CUX2: variants seen among roughly 807,000 people sequenced by gnomAD.
The protein encoded by CUX2 is cut like homeobox 2, also known as homeobox protein cut-like 2.
Under a neutral mutation model 144.8 loss-of-function variants are expected in CUX2, and 40 were observed. That is an observed-to-expected ratio of 0.28 (90% CI 0.21 to 0.36). The LOEUF (loss-of-function observed/expected upper bound fraction) is 0.36, where lower values mean the gene tolerates loss of function less well. Ranked by LOEUF, CUX2 falls within the 10% of genes least tolerant of loss-of-function variation. The pLI, the probability that CUX2 is intolerant of heterozygous loss-of-function variation, is 1.00. For missense variants in CUX2, 1,615 were observed against 1,994.0 expected (o/e 0.81, Z 3.62); for synonymous variants, 827 against 875.6 (o/e 0.94, Z 0.98).
rs537299431 is a variant in CUX2 at position 111,086,020 on chromosome 12, T to C, written c.63+51780T>C. ...AGCTGATGGAGAAGCTAGAGGCTCC[T>C]ACCTTGTGCCAGGCCTGATCCAGGA... is the stretch of plus-strand genomic sequence containing the variant. On this transcript the variant is annotated intron_variant, in intron 1 of 21. Transcript: ENST00000261726. Among the ~76,000 whole-genome samples the C allele has an allele frequency of 2.9e-3, 437 of 152,370 alleles. 1 individual carries two copies. The highest frequency in any genetic ancestry group is 5.4e-3 in the Non-Finnish European group (365 of 68,030).
At position 111,291,400 on chromosome 12, in the gene CUX2, C is replaced by T; in HGVS notation, c.302-18C>T. ...TCCATCAGGCCCTCACTATCCCTGT[C>T]TTTCTCTCCCTGCACAGACCCCGTG... is the stretch of plus-strand genomic sequence containing the variant. On this transcript the variant is annotated intron_variant, in intron 4 of 21. Transcript: ENST00000261726. The T allele has an allele frequency of 1.9e-6, 3 of 1,586,290 alleles. No homozygotes were observed. The highest frequency in any genetic ancestry group is 2.6e-6 in the Non-Finnish European group (3 of 1,166,642).
chr12:111,129,189 A>AGGT (rs1875282957), intron 1 of CUX2, among the ~76,000 whole-genome samples: 1 of 152,214 alleles, frequency 6.6e-6, no homozygotes, highest in African/African-American at 2.4e-5. Flanking sequence ...CTGGCATGCA[A>AGGT]ATGTCTTACC....
chr12:111,334,829 G>A (rs190235834), intron 19 of CUX2, 119 bp downstream of exon 19: 2 of 1,119,158 alleles, frequency 1.8e-6, no homozygotes, highest in African/African-American at 3.2e-5. Flanking sequence ...AGTGCTTTGG[G>A]AGGCCAGGGA....
chr12:111,211,599 G>T (rs939176168), intron 1 of CUX2, among the ~76,000 whole-genome samples: 1 of 152,200 alleles, frequency 6.6e-6, no homozygotes, highest in Non-Finnish European at 1.5e-5. Context: ...CATAGTGTCA[G>T]ACACGGCCGG....
intron 1 of CUX2, among the ~76,000 whole-genome samples, chr12:111,209,310 C>T (rs1881082666): frequency 6.6e-6 from 1 of 152,114 alleles, no homozygotes; most frequent in Non-Finnish European, 1.5e-5. Context: ...GGGAGGGTCA[C>T]CTGAGCCTGG....
intron 1 of CUX2, among the ~76,000 whole-genome samples, chr12:111,096,709 G>A (rs751773198): frequency 6.6e-5 from 10 of 152,216 alleles, no homozygotes; most frequent in African/African-American, 1.2e-4. Flanking sequence ...GCTTGAAGAA[G>A]TTAGTAGGCT....
chr12:111,251,826 G>A (rs761984004), intron 3 of CUX2, among the ~76,000 whole-genome samples: 1 of 152,080 alleles, frequency 6.6e-6, no homozygotes, highest in African/African-American at 2.4e-5. Context: ...GGTCCAGAGG[G>A]GTGCAGGGGA....
At chr12:111,245,073 T>C (rs1330989103) in intron 3 of CUX2, among the ~76,000 whole-genome samples, 2 of 152,108 alleles carry the variant, frequency 1.3e-5, no homozygotes, top group Non-Finnish European at 1.5e-5. Context: ...CTCTGAGAAA[T>C]GGAAGCAACT....
chr12:111,052,420 CAA>C (rs35221422), intron 1 of CUX2, among the ~76,000 whole-genome samples: 4,150 of 132,730 alleles, frequency 0.031, 207 homozygotes, highest in African/African-American at 0.11. Flanking sequence ...AGTAGGCCCT[CAA>C]AAAAAAAAAA....
intron 3 of CUX2, among the ~76,000 whole-genome samples, chr12:111,253,304 C>A (rs1883658000): frequency 6.6e-6 from 1 of 151,212 alleles, no homozygotes; most frequent in South Asian, 2.1e-4. Context: ...GCTCTTCCCC[C>A]CGACTCACCT....
chr12:111,285,740 G>A (rs78747618), intron 4 of CUX2, among the ~76,000 whole-genome samples: 3,087 of 152,352 alleles, frequency 0.02, 106 homozygotes, highest in African/African-American at 0.069. Context: ...GCCTGCCTCC[G>A]TGTTGTGGTG....
intron 18 of CUX2, among the ~76,000 whole-genome samples, chr12:111,329,142 T>C (rs1887976071): frequency 6.7e-6 from 1 of 149,166 alleles, no homozygotes; most frequent in Non-Finnish European, 1.5e-5. Context: ...CATCCTTATC[T>C]CTCCAGGAGA....
chr12:111,193,301 C>T (rs1880015981), intron 1 of CUX2, among the ~76,000 whole-genome samples: 1 of 152,242 alleles, frequency 6.6e-6, no homozygotes, highest in Non-Finnish European at 1.5e-5. Flanking sequence ...ATCCCCGGCA[C>T]AGCCGGCGGC....
chr12:111,258,660 A>G (rs1883957364), intron 3 of CUX2, among the ~76,000 whole-genome samples: 1 of 152,076 alleles, frequency 6.6e-6, no homozygotes, highest in Non-Finnish European at 1.5e-5. Flanking sequence ...CTAAACATGA[A>G]CTGATTCACA....
chr12:111,113,747 G>C (rs937806631), intron 1 of CUX2, among the ~76,000 whole-genome samples: 1 of 152,094 alleles, frequency 6.6e-6, no homozygotes, highest in Admixed American at 6.5e-5. Flanking sequence ...TAGAGATGGG[G>C]TTTCAAACCA....
At chr12:111,260,918 C>G (rs1884090226) in intron 3 of CUX2, among the ~76,000 whole-genome samples, 1 of 152,214 alleles carries the variant, frequency 6.6e-6, no homozygotes, top group South Asian at 2.1e-4. Flanking sequence ...TCTGGCTGGT[C>G]TTTGATAATT....
At chr12:111,234,071 A>G (rs530490405) in intron 3 of CUX2, among the ~76,000 whole-genome samples, 197 of 152,302 alleles carry the variant, frequency 1.3e-3, no homozygotes, top group African/African-American at 4.4e-3. Context: ...CTGTTACAAA[A>G]CCATACCCAA....
At chr12:111,182,251 T>C (rs751638139) in intron 1 of CUX2, among the ~76,000 whole-genome samples, 13 of 152,170 alleles carry the variant, frequency 8.5e-5, no homozygotes, top group Non-Finnish European at 1.6e-4. Context: ...TCCATAGTGA[T>C]CAGAGCTCAA....
intron 3 of CUX2, among the ~76,000 whole-genome samples, chr12:111,227,609 C>T (rs1302782626): frequency 6.6e-6 from 1 of 152,126 alleles, no homozygotes; most frequent in Non-Finnish European, 1.5e-5. Context: ...GGGGTTGGGG[C>T]AGCCTTGTGT....
Sources: gnomAD v4.1 joint callset for allele counts (sites outside exome capture counted in the v4.1 genomes callset) on GRCh38, gnomAD v4.1.1 for gene constraint, MANE v1.5 for transcripts, NCBI Gene and HGNC (gene_info 2026-07-23, HGNC 2026-07-21) for gene names.